ADGB: variants seen among roughly 807,000 people sequenced by gnomAD.
ADGB encodes the protein androglobin.
Under a neutral mutation model 210.5 loss-of-function variants are expected in ADGB, and 172 were observed. The observed-to-expected ratio is 0.82, with a 90% CI of 0.72 to 0.93. ADGB has a LOEUF of 0.93. Among genes scored for constraint, ADGB ranks in the 40% least tolerant of loss-of-function variants. ADGB has a pLI of 0.00. For missense variants in ADGB, 2,025 were observed against 1,964.8 expected (o/e 1.03, Z -0.58); for synonymous variants, 658 against 662.7 (o/e 0.99, Z 0.11).
chr6:146,635,763 A>G (rs1583568236), intron 2 of ADGB, among the ~76,000 whole-genome samples: 1 of 152,022 alleles, frequency 6.6e-6, no homozygotes, highest in Non-Finnish European at 1.5e-5. Flanking sequence ...AGAAAGAGAT[A>G]TGACCAAAGA....
rs73571703 is a variant in ADGB, at chr6:146,700,911, C to T, written c.1578-30C>T. ...AACTTTAAACAGAAGATCAAAATAACAGAAGTTTGGGGTTTTGTTTTCCTT... is the reference window on the plus strand; with the variant it reads ...AACTTTAAACAGAAGATCAAAATAATAGAAGTTTGGGGTTTTGTTTTCCTT... On this transcript the variant is annotated intron_variant, in intron 12 of 35. Coordinates refer to ENST00000397944, the MANE Select transcript of ADGB (RefSeq NM_024694.4). 18,745 of 1,532,554 alleles carry T rather than the reference C, an allele frequency of 0.012. 1,707 individuals are homozygous for T. In the African/African-American group the frequency reaches 0.22, roughly 18 times the overall value. 94.9% of individuals were successfully genotyped at this position (1,532,554 alleles called of 1,614,324 possible).
chr6:146,638,619 G>T (rs796922907), intron 2 of ADGB, among the ~76,000 whole-genome samples: 1 of 132,320 alleles, frequency 7.6e-6, no homozygotes, highest in Non-Finnish European at 1.6e-5. Context: ...TGGGGGGGGG[G>T]GGGAGGGATA....
At chr6:146,768,416 A>G (rs1324631412) in intron 28 of ADGB, among the ~76,000 whole-genome samples, 2 of 152,192 alleles carry the variant, frequency 1.3e-5, no homozygotes, top group African/African-American at 4.8e-5. Context: ...AAAGTAAGAT[A>G]GAAACAGATC....
Position 146,724,084 on chromosome 6 carries a change from T to A in ADGB, c.2096-102T>A, listed in dbSNP as rs139429749. The A allele has an allele frequency of 7.9e-4, 741 of 942,850 alleles. 2 individuals carry two copies. In the African/African-American group the frequency reaches 0.011, roughly 14 times the overall value. 58.4% of individuals were successfully genotyped at this position (942,850 alleles called of 1,614,324 possible). ...TTTTAGTAATATTTCTAATGCTTGA[T>A]TATTGTTATTTATGTTGTTACTTAA... On this transcript the variant is annotated intron_variant, in intron 17 of 35. Transcript: ENST00000397944.
At chr6:146,695,224 C>A (rs1189152976) in intron 12 of ADGB, among the ~76,000 whole-genome samples, 2 of 152,126 alleles carry the variant, frequency 1.3e-5, no homozygotes, top group Non-Finnish European at 2.9e-5. Flanking sequence ...TTTCATAGTA[C>A]TAATGATGTC....
rs186012117 is a variant in ADGB, at chr6:146,802,711, A to G, written c.4818+700A>G. The G allele has an allele frequency of 1.6e-4, 207 of 1,266,820 alleles. 1 individual carries two copies. In the African/African-American group the frequency reaches 2.9e-3, roughly 18 times the overall value. 78.5% of individuals were successfully genotyped at this position (1,266,820 alleles called of 1,614,324 possible). On this transcript the variant is annotated intron_variant, in intron 35 of 35. Coordinates refer to ENST00000397944, the MANE Select transcript of ADGB (RefSeq NM_024694.4). ...AGTTTTGATTTCTTCCACAGTTCAC[A>G]GTTCTCAGACGAGACTTTTTTTGTA... is the stretch of plus-strand genomic sequence containing the variant.
At chr6:146,749,090 G>T (rs1017311493) in intron 26 of ADGB, among the ~76,000 whole-genome samples, 8 of 152,140 alleles carry the variant, frequency 5.3e-5, no homozygotes, top group African/African-American at 1.9e-4. Context: ...CTGGAGAGAA[G>T]AAAAAGGATT....
At chr6:146,651,367 C>G (rs565276095) in intron 3 of ADGB, among the ~76,000 whole-genome samples, 3 of 152,266 alleles carry the variant, frequency 2.0e-5, no homozygotes, top group African/African-American at 4.8e-5. Context: ...TCAAATTTGG[C>G]CGCTCACTGC....
chr6:146,680,731 G>C (rs548769028), intron 9 of ADGB, among the ~76,000 whole-genome samples: 1 of 152,214 alleles, frequency 6.6e-6, no homozygotes, highest in East Asian at 1.9e-4. Flanking sequence ...CTGTTAGCAA[G>C]ATATTTCAAA....
Position 146,733,104 on chromosome 6 carries a change from A to ATT in ADGB, c.2521-16_2521-15insTT, listed in dbSNP as rs760995818. 1,121 of 1,443,010 alleles carry ATT rather than the reference A, an allele frequency of 7.8e-4. 9 individuals are homozygous for ATT. In the East Asian group the frequency reaches 0.014, roughly 18 times the overall value. 89.4% of individuals were successfully genotyped at this position (1,443,010 alleles called of 1,614,324 possible). A position where few individuals can be genotyped will look rare whatever the true frequency, so the allele number is the denominator to read the frequency against. On this transcript the variant is annotated splice_polypyrimidine_tract_variant and intron_variant, in intron 20 of 35. Coordinates refer to ENST00000397944, the MANE Select transcript of ADGB (RefSeq NM_024694.4). ...GATGGTATTTTCTTGCTATAAAAAA[A>ATT]ATTTATGTGTTTCAGGTTTTTCATC... is the stretch of plus-strand genomic sequence containing the variant.
At chr6:146,680,193 C>T (rs928326736) in intron 9 of ADGB, among the ~76,000 whole-genome samples, 5 of 152,064 alleles carry the variant, frequency 3.3e-5, no homozygotes, top group African/African-American at 7.2e-5. Flanking sequence ...GGATGTGAAG[C>T]AAAGCGATAC....
intron 1 of ADGB, among the ~76,000 whole-genome samples, chr6:146,611,068 G>A (rs1418490190): frequency 6.6e-6 from 1 of 152,060 alleles, no homozygotes; most frequent in East Asian, 1.9e-4. Flanking sequence ...CATGCAGGCC[G>A]AGTTGTGTTG....
chr6:146,638,762 A>G (rs1273753362), intron 2 of ADGB: 2 of 151,980 alleles, frequency 1.3e-5, no homozygotes, highest in African/African-American at 4.8e-5. Context: ...AATAAAAAAA[A>G]AACTGTTCTT....
chr6:146,811,598 A>T (rs1261946438), intron 35 of ADGB, among the ~76,000 whole-genome samples: 1 of 152,130 alleles, frequency 6.6e-6, no homozygotes, highest in African/African-American at 2.4e-5. Context: ...AATTACTTTC[A>T]GATATTTTTT....
chr6:146,736,852 G>C (rs190260499), intron 23 of ADGB, among the ~76,000 whole-genome samples: 64 of 152,214 alleles, frequency 4.2e-4, no homozygotes, highest in African/African-American at 1.5e-3. Flanking sequence ...TTACGGTACT[G>C]AGAAGACAAA....
At chr6:146,684,746 A>C (rs899439997) in intron 9 of ADGB, among the ~76,000 whole-genome samples, 2 of 152,072 alleles carry the variant, frequency 1.3e-5, no homozygotes, top group Non-Finnish European at 1.5e-5. Context: ...ACTTTGGATT[A>C]AAAGTTAGTT....
intron 23 of ADGB, among the ~76,000 whole-genome samples, chr6:146,739,391 T>C (rs890706806): frequency 6.6e-6 from 1 of 152,176 alleles, no homozygotes; most frequent in African/African-American, 2.4e-5. Flanking sequence ...AGGACTGTAA[T>C]AAATAGTTAA....
In ADGB at chr6:146,636,790, G is replaced by T. The variant is rs569290571; in HGVS notation, c.237+1253G>T. On this transcript the variant is annotated intron_variant, in intron 2 of 35. Coordinates refer to ENST00000397944, the MANE Select transcript of ADGB (RefSeq NM_024694.4). ...GTGATCGCATCTGCATGAAATGGTT[G>T]CATGGTAGCTCTTAGCGCTGATTTG... 2.0e-5 allele frequency among the ~76,000 whole-genome samples: 3 copies of T among 152,100 alleles called. No homozygotes were observed. In the South Asian group the frequency reaches 6.2e-4, roughly 32 times the overall value.
intron 13 of ADGB, 114 bp downstream of exon 13, chr6:146,701,184 A>G (rs1776484602): frequency 8.3e-7 from 1 of 1,199,648 alleles, no homozygotes; most frequent in East Asian, 2.6e-5. Context: ...TCTGAACAGT[A>G]TAAAGAATAG....
Sources: gnomAD v4.1 joint callset for allele counts (sites outside exome capture counted in the v4.1 genomes callset) on GRCh38, gnomAD v4.1.1 for gene constraint, MANE v1.5 for transcripts, NCBI Gene and HGNC (gene_info 2026-07-23, HGNC 2026-07-21) for gene names.